AOAH: variants seen among roughly 807,000 people sequenced by gnomAD.
AOAH encodes acyloxyacyl hydrolase (neutrophil).
A neutral mutation model predicts 92.2 loss-of-function variants in AOAH; 64 were observed. The observed-to-expected ratio is 0.69, with a 90% confidence interval of 0.57 to 0.86. The LOEUF is 0.86. AOAH is among the 40% of genes least tolerant of loss of function. AOAH has a pLI of 0.00. For synonymous variants in AOAH, 263 were observed against 254.5 expected, an observed-to-expected ratio of 1.03 and a Z score of -0.32; for missense variants, 656 against 694.6, an observed-to-expected ratio of 0.94 and a Z score of 0.62.
intron 16 of AOAH, among the ~76,000 whole-genome samples, 180 bp downstream of exon 16, chr7:36,540,139 C>G (rs967969061): frequency 6.8e-6 from 1 of 148,076 alleles, no homozygotes; most frequent in Non-Finnish European, 1.5e-5. Context: ...GGATCTGATT[C>G]GGCTCACCTC....
At chr7:36,595,715 A>G (rs1027600014) in intron 11 of AOAH, among the ~76,000 whole-genome samples, 1 of 152,158 alleles carries the variant, frequency 6.6e-6, no homozygotes, top group Admixed American at 6.5e-5. Flanking sequence ...CTTGTATTTT[A>G]TCTGGGCATC....
At chr7:36,582,764 G>T (rs1789023552) in intron 12 of AOAH, among the ~76,000 whole-genome samples, 1 of 152,154 alleles carries the variant, frequency 6.6e-6, no homozygotes, top group East Asian at 1.9e-4. Context: ...TTTGTAGCCT[G>T]CCAGAGATCT....
At chr7:36,582,511 G>A (rs570096867) in intron 12 of AOAH, among the ~76,000 whole-genome samples, 1 of 152,288 alleles carries the variant, frequency 6.6e-6, no homozygotes, top group South Asian at 2.1e-4. Flanking sequence ...CAAACAGAAT[G>A]GCTGTTACTC....
intron 16 of AOAH, among the ~76,000 whole-genome samples, chr7:36,537,506 GTTT>G (rs67918250): frequency 3.0e-5 from 4 of 134,798 alleles, no homozygotes; most frequent in East Asian, 4.4e-4. Context: ...CACCCCTCTT[GTTT>G]TTTTTTTTTT....
intron 3 of AOAH, among the ~76,000 whole-genome samples, chr7:36,670,586 T>C (rs907677033): frequency 1.3e-5 from 2 of 152,156 alleles, no homozygotes; most frequent in African/African-American, 4.8e-5. Flanking sequence ...GCGATTCCCC[T>C]GCCTCAAGCT....
At chr7:36,616,827 C>T (rs1044179909) in intron 10 of AOAH, among the ~76,000 whole-genome samples, 2 of 152,128 alleles carry the variant, frequency 1.3e-5, no homozygotes, top group African/African-American at 4.8e-5. Context: ...GAAAACACAC[C>T]AACGTCCATT....
chr7:36,595,460 G>A (rs6967333), intron 11 of AOAH, among the ~76,000 whole-genome samples: 1,779 of 152,238 alleles, frequency 0.012, 14 homozygotes, highest in Middle Eastern at 0.044. Context: ...TTGAGCCCAG[G>A]ACGTCAAGGC....
Position 36,517,265 on chromosome 7 carries a change from T to TC in AOAH, c.1600-3886_1600-3885insG, listed in dbSNP as rs1491363845. On this transcript the variant is annotated intron_variant, in intron 20 of 20. Transcript: ENST00000617537. ...CTCTCTTTCTTTCTGTGTCTCTCTC[T>TC]TTCTTTCTTTCTTTCTTTCTTTCTT... Among the ~76,000 whole-genome samples, 42 of 4,604 alleles carry TC rather than the reference T, an allele frequency of 9.1e-3. 1 individual carries two copies. The highest frequency in any genetic ancestry group is 0.25 in the East Asian group (1 of 4). The allele number at this position is 4,604 out of a possible 152,430, so 3.0% of individuals were successfully genotyped here. A position where few individuals can be genotyped will look rare whatever the true frequency, so the allele number is the denominator to read the frequency against.
intron 3 of AOAH, among the ~76,000 whole-genome samples, chr7:36,666,361 CT>C (rs962066204): frequency 6.6e-6 from 1 of 151,914 alleles, no homozygotes; most frequent in African/African-American, 2.4e-5. Flanking sequence ...TCTTGATTAT[CT>C]TTTTAATATC....
chr7:36,706,801 C>T (rs1798443998), intron 1 of AOAH, among the ~76,000 whole-genome samples: 1 of 152,160 alleles, frequency 6.6e-6, no homozygotes, highest in Non-Finnish European at 1.5e-5. Flanking sequence ...CCTTAAACCT[C>T]ATAAACCAAC....
chr7:36,532,879 C>T (rs1784783658), intron 16 of AOAH, among the ~76,000 whole-genome samples: 1 of 152,094 alleles, frequency 6.6e-6, no homozygotes, highest in Non-Finnish European at 1.5e-5. Flanking sequence ...CACGTAGTTC[C>T]CTGCAGTTGG....
rs1796825763 is a variant in AOAH, at chr7:36,684,218, A to C, written c.223+2481T>G. Among the ~76,000 whole-genome samples the C allele has an allele frequency of 2.0e-5, 3 of 152,150 alleles. No homozygotes were observed. The South Asian group carries it at 6.2e-4, about 31-fold the overall frequency. ...GGTTACTGAGGCTCATGTGCAAAGG[A>C]CTTGAGTCAGCTTGAAGGAGGTGCC... is the stretch of plus-strand genomic sequence containing the variant. On this transcript the variant is annotated intron_variant, in intron 2 of 20. Transcript: ENST00000617537.
chr7:36,567,720 C>A (rs1334888804), intron 13 of AOAH, among the ~76,000 whole-genome samples: 1 of 152,124 alleles, frequency 6.6e-6, no homozygotes, highest in Admixed American at 6.5e-5. Flanking sequence ...GAGTAAGGCC[C>A]GAATAGTGGT....
chr7:36,699,411 A>G (rs913946323), intron 1 of AOAH, among the ~76,000 whole-genome samples: 1 of 152,104 alleles, frequency 6.6e-6, no homozygotes, highest in Non-Finnish European at 1.5e-5. Flanking sequence ...GAACTAATTT[A>G]CATTCCCACC....
At chr7:36,643,995 A>G (rs1794079230) in intron 4 of AOAH, among the ~76,000 whole-genome samples, 1 of 152,334 alleles carries the variant, frequency 6.6e-6, no homozygotes, top group South Asian at 2.1e-4. Context: ...TATTTCAAGT[A>G]TCTCTTTATA....
At chr7:36,676,914 T>A (rs561093791) in intron 2 of AOAH, among the ~76,000 whole-genome samples, 4 of 152,276 alleles carry the variant, frequency 2.6e-5, no homozygotes, top group Non-Finnish European at 4.4e-5. Flanking sequence ...CTTCACACTA[T>A]ATACAAAAAT....
rs559366124 is a variant in AOAH, at chr7:36,554,886, T to A, written c.1022-5411A>T. ...TTATCAGCTTAAGGAGATTTTGGGC[T>A]GAGACAATGGGGTTTTCTAGATATA... is the stretch of plus-strand genomic sequence containing the variant. On this transcript the variant is annotated intron_variant, in intron 13 of 20. Transcript: ENST00000617537. Among the ~76,000 whole-genome samples, 1,076 of 149,724 alleles carry A rather than the reference T, an allele frequency of 7.2e-3. 11 individuals are homozygous for A. Among genetic ancestry groups the A allele is most frequent in the African/African-American group, 0.026 (1,035 of 40,350 alleles).
intron 13 of AOAH, among the ~76,000 whole-genome samples, chr7:36,575,641 C>T (rs1383904429): frequency 6.6e-6 from 1 of 152,090 alleles, no homozygotes; most frequent in Non-Finnish European, 1.5e-5. Flanking sequence ...TTGGTAAGAG[C>T]TCAGTTAATG....
rs564640326 is a variant in AOAH at position 36,623,760 on chromosome 7, G to A, written c.522-510C>T. On this transcript the variant is annotated intron_variant, in intron 6 of 20. Transcript: ENST00000617537. ...AAGCCAAGGACCCTGATGTGATGAC[G>A]AAATAAATTGATGCCAAAGCCATGG... Among the ~76,000 whole-genome samples, 57 of 152,278 alleles carry A rather than the reference G, an allele frequency of 3.7e-4. No homozygotes were observed. The South Asian group carries it at 8.9e-3, about 24-fold the overall frequency.
Sources: gnomAD v4.1 joint callset for allele counts (sites outside exome capture counted in the v4.1 genomes callset) on GRCh38, gnomAD v4.1.1 for gene constraint, MANE v1.5 for transcripts, NCBI Gene and HGNC (gene_info 2026-07-23, HGNC 2026-07-21) for gene names.